Variants in STXBP5L observed in about 807,000 individuals in gnomAD.
STXBP5L encodes syntaxin binding protein 5L, also known as syntaxin-binding protein 5-like.
STXBP5L carries 65 observed loss-of-function variants against 144.5 expected under a neutral mutation model. That is an observed-to-expected ratio of 0.45 (90% CI 0.37 to 0.55). The LOEUF (loss-of-function observed/expected upper bound fraction) is 0.55. Among genes scored for constraint, STXBP5L ranks in the 20% least tolerant of loss-of-function variants. The probability of loss-of-function intolerance (pLI) is 0.00; values close to 1 mark genes in which losing one functional copy is unlikely to be tolerated. For missense variants in STXBP5L, 1,298 were observed against 1,405.5 expected (o/e 0.92, Z 1.22); for synonymous variants, 505 against 469.6 (o/e 1.08, Z -0.97).
At chr3:121,398,912 C>T (rs1356925003) in intron 22 of STXBP5L, among the ~76,000 whole-genome samples, 1 of 152,130 alleles carries the variant, frequency 6.6e-6, no homozygotes, top group African/African-American at 2.4e-5. Context: ...TGAATTCCTA[C>T]CTGAATAGAA....
At chr3:121,263,830 T>C (rs1221379962) in intron 18 of STXBP5L, among the ~76,000 whole-genome samples, 3 of 152,042 alleles carry the variant, frequency 2.0e-5, no homozygotes, top group Non-Finnish European at 2.9e-5. Flanking sequence ...ACCAAACCTA[T>C]GTTTGATTGG....
chr3:121,275,922 C>T (rs1386017020), intron 18 of STXBP5L, among the ~76,000 whole-genome samples: 1 of 151,916 alleles, frequency 6.6e-6, no homozygotes, highest in East Asian at 1.9e-4. Context: ...TTGTAGGCAC[C>T]ATATAGTTGG....
At chr3:121,271,693 TC>T (rs1433852157) in intron 18 of STXBP5L, among the ~76,000 whole-genome samples, 1 of 152,248 alleles carries the variant, frequency 6.6e-6, no homozygotes, top group African/African-American at 2.4e-5. Flanking sequence ...AATCTTTTTA[TC>T]ATGAATGTCT....
At chr3:121,108,271 G>C (rs1169595575) in intron 5 of STXBP5L, among the ~76,000 whole-genome samples, 1 of 152,136 alleles carries the variant, frequency 6.6e-6, no homozygotes, top group Non-Finnish European at 1.5e-5. Context: ...TGGTGAGAGA[G>C]GGCATCCTTG....
At chr3:121,058,583 C>T (rs762564725) in intron 5 of STXBP5L, among the ~76,000 whole-genome samples, 13 of 152,196 alleles carry the variant, frequency 8.5e-5, no homozygotes, top group Non-Finnish European at 1.8e-4. Flanking sequence ...CTAATTTACA[C>T]TCCCACCAAC....
intron 3 of STXBP5L, among the ~76,000 whole-genome samples, chr3:121,022,012 G>C (rs1215027059): frequency 6.6e-6 from 1 of 151,946 alleles, no homozygotes; most frequent in South Asian, 2.1e-4. Context: ...AAAATTGATA[G>C]GCCATTAGCA....
chr3:121,056,394 A>T (rs1948463024), intron 5 of STXBP5L, among the ~76,000 whole-genome samples: 1 of 152,110 alleles, frequency 6.6e-6, no homozygotes. Flanking sequence ...ATGTATATTT[A>T]ATTTTTCTTA....
intron 11 of STXBP5L, among the ~76,000 whole-genome samples, chr3:121,231,464 G>A (rs148956582): frequency 4.9e-4 from 74 of 152,248 alleles, no homozygotes; most frequent in African/African-American, 1.7e-3. Flanking sequence ...CTGGATGTTC[G>A]GGGTTAATGT....
intron 10 of STXBP5L, among the ~76,000 whole-genome samples, chr3:121,221,557 G>T (rs1356004832): frequency 6.6e-6 from 1 of 150,818 alleles, no homozygotes; most frequent in Non-Finnish European, 1.5e-5. Flanking sequence ...AAAAAACAAA[G>T]GTAAAAACCC....
chr3:121,266,041 C>T (rs2050553219), intron 18 of STXBP5L, among the ~76,000 whole-genome samples: 1 of 152,046 alleles, frequency 6.6e-6, no homozygotes, highest in African/African-American at 2.4e-5. Context: ...CCGAATTCTA[C>T]CAGAGGTACA....
chr3:121,087,663 T>C (rs1272510737), intron 5 of STXBP5L, among the ~76,000 whole-genome samples: 2 of 152,076 alleles, frequency 1.3e-5, no homozygotes, highest in Non-Finnish European at 2.9e-5. Flanking sequence ...TTACATTAGA[T>C]ATAATTATTG....
At chr3:121,314,027 C>T (rs1460261529) in intron 19 of STXBP5L, among the ~76,000 whole-genome samples, 1 of 151,364 alleles carries the variant, frequency 6.6e-6, no homozygotes, top group Non-Finnish European at 1.5e-5. Flanking sequence ...CTCCTCACTT[C>T]CTAGATGGGA....
chr3:121,346,736 T>G (rs1047938401), intron 20 of STXBP5L, among the ~76,000 whole-genome samples: 1 of 152,240 alleles, frequency 6.6e-6, no homozygotes, highest in African/African-American at 2.4e-5. Context: ...GTCTTTTGTC[T>G]GCATAAATGT....
intron 9 of STXBP5L, among the ~76,000 whole-genome samples, chr3:121,203,675 C>G (rs1453597486): frequency 6.6e-6 from 1 of 152,118 alleles, no homozygotes; most frequent in Non-Finnish European, 1.5e-5. Context: ...GTTAACTTAA[C>G]AAGTAATTAT....
At chr3:121,007,281 G>T (rs1166885941) in intron 3 of STXBP5L, among the ~76,000 whole-genome samples, 1 of 151,812 alleles carries the variant, frequency 6.6e-6, no homozygotes, top group African/African-American at 2.4e-5. Context: ...TGTTCTTTTT[G>T]ATCACTGAGG....
Position 121,413,309 on chromosome 3 carries a change from T to A in STXBP5L, c.3100T>A (p.Cys1034Ser), listed in dbSNP as rs1398586140. ...IQRLTYSQEM[C>S]DNLQDMLGDL... ...GCGGTTAACATACAGCCAAGAAATG[T>A]GTGATAATCTACAGGTAGGTCAGGA... The change falls in exon 24 of 27, where the codon TGT becomes AGT. Residue 1034 changes from cysteine to serine, a missense_variant. Transcript: ENST00000471454. The A allele has an allele frequency of 3.8e-6, 6 of 1,573,086 alleles. No individual in the cohort carries two copies. In the Admixed American group the frequency reaches 1.1e-4, roughly 30 times the overall value.
At chr3:121,050,926 G>A (rs374182156) in intron 5 of STXBP5L, among the ~76,000 whole-genome samples, 1 of 152,066 alleles carries the variant, frequency 6.6e-6, no homozygotes. Context: ...AAAAGCAGGG[G>A]TTGCAATCCT....
rs373075924 is a variant in STXBP5L, at chr3:121,355,055, C to T, written c.2177-23661C>T. 7.4e-4 allele frequency among the ~76,000 whole-genome samples: 112 copies of T among 152,266 alleles called. 1 individual carries two copies. The highest frequency in any genetic ancestry group is 3.4e-3 in the Middle Eastern group (1 of 294). On this transcript the variant is annotated intron_variant, in intron 20 of 26. Coordinates refer to ENST00000471454, the MANE Select transcript of STXBP5L (RefSeq NM_001308330.2). ...CTTGTAGGGTTTCTGCCAAGAGATC[C>T]GCTGTTAGTCTGATGGGCTTTCTTT...
At chr3:121,305,272 TC>T (rs1488954449) in intron 19 of STXBP5L, among the ~76,000 whole-genome samples, 4 of 152,150 alleles carry the variant, frequency 2.6e-5, no homozygotes, top group Non-Finnish European at 4.4e-5. Context: ...TGCAAATTCT[TC>T]CAGGAAATAA....
Sources: allele counts gnomAD v4.1 joint callset (sites outside exome capture counted in the v4.1 genomes callset), GRCh38; gene constraint gnomAD v4.1.1; transcripts MANE v1.5; gene names NCBI Gene and HGNC (gene_info 2026-07-23, HGNC 2026-07-21).